The following MAPK10 variants were observed in gnomAD, a reference collection of about 807,000 sequenced individuals.
The protein encoded by MAPK10 is JNK3 alpha protein kinase.
A neutral mutation model predicts 59.3 loss-of-function variants in MAPK10; 25 were observed. The observed-to-expected ratio is 0.42, with a 90% CI of 0.31 to 0.59. MAPK10 has a LOEUF of 0.59. Among genes scored for constraint, MAPK10 ranks in the 20% least tolerant of loss-of-function variants. The pLI is 0.15. For synonymous variants in MAPK10, 190 were observed against 200.5 expected, an observed-to-expected ratio of 0.95 and a Z score of 0.44; for missense variants, 351 against 568.9, an observed-to-expected ratio of 0.62 and a Z score of 3.90.
chr4:86,537,768 T>G (rs2149093813), intron 1 of MAPK10, among the ~76,000 whole-genome samples: 1 of 152,346 alleles, frequency 6.6e-6, no homozygotes, highest in Non-Finnish European at 1.5e-5. Flanking sequence ...TCTCCTACTT[T>G]GTGGCTTATC....
intron 3 of MAPK10, among the ~76,000 whole-genome samples, chr4:86,171,719 T>C (rs2074234677): frequency 6.6e-6 from 1 of 151,622 alleles, no homozygotes; most frequent in Non-Finnish European, 1.5e-5. Flanking sequence ...AAGACAAAAT[T>C]GACAAATGGG....
chr4:86,535,120 C>T (rs1310273509), intron 1 of MAPK10, among the ~76,000 whole-genome samples: 2 of 152,068 alleles, frequency 1.3e-5, no homozygotes, highest in African/African-American at 4.8e-5. Context: ...CTTTTCCTAT[C>T]CTGATTTTTA....
At chr4:86,411,268 T>A (rs894844868) in intron 1 of MAPK10, among the ~76,000 whole-genome samples, 5 of 152,032 alleles carry the variant, frequency 3.3e-5, no homozygotes, top group African/African-American at 9.7e-5. Flanking sequence ...GTGAGAGACT[T>A]CTTTGTTGTG....
intron 4 of MAPK10, 96 bp from the exon 5 acceptor site, chr4:86,107,448 T>G (rs2056749588): frequency 3.4e-6 from 5 of 1,490,710 alleles, no homozygotes; most frequent in African/African-American, 2.8e-5. Context: ...AAATGCTATT[T>G]CGGAATCTTA....
Position 86,014,889 on chromosome 4 carries a change from T to TA in MAPK10, c.*2338_*2339insT, listed in dbSNP as rs916434429. ...CTCTCTTTAAAGCAGCTTCCTGCTC[T>TA]CCGCACTTAATCCCATGTGGTATAA... is the stretch of plus-strand genomic sequence containing the variant. On this transcript the variant is annotated 3_prime_UTR_variant, in exon 14 of 14. Coordinates refer to ENST00000641462, the MANE Select transcript of MAPK10 (RefSeq NM_138982.4). 6.6e-6 allele frequency: 1 copy of TA among 151,650 alleles called. No individual in the cohort carries two copies. Among genetic ancestry groups the TA allele is most frequent in the African/African-American group, 2.4e-5 (1 of 41,214 alleles). The allele number at this position is 151,650 out of a possible 1,614,324, so 9.4% of individuals were successfully genotyped here.
chr4:86,110,957 T>C (rs2057384541), intron 4 of MAPK10, among the ~76,000 whole-genome samples: 1 of 152,164 alleles, frequency 6.6e-6, no homozygotes, highest in Non-Finnish European at 1.5e-5. Context: ...CCTTGTTAGC[T>C]GTATTCCTAG....
At chr4:86,575,524 A>T (rs1231213965) in intron 1 of MAPK10, among the ~76,000 whole-genome samples, 1 of 152,002 alleles carries the variant, frequency 6.6e-6, no homozygotes, top group East Asian at 1.9e-4. Flanking sequence ...TTTGGTAGAT[A>T]TCCTTTATCA....
chr4:86,041,371 T>C (rs1308782513), intron 11 of MAPK10, among the ~76,000 whole-genome samples: 1 of 151,972 alleles, frequency 6.6e-6, no homozygotes, highest in Admixed American at 6.6e-5. Flanking sequence ...CCCAAAACCA[T>C]AAAAACCCTA....
intron 5 of MAPK10, among the ~76,000 whole-genome samples, chr4:86,105,960 C>A (rs746213857): frequency 6.6e-6 from 1 of 152,152 alleles, no homozygotes. Flanking sequence ...CATCACCTGA[C>A]ATTTTACACA....
chr4:86,469,243 T>A (rs893197327), intron 1 of MAPK10, among the ~76,000 whole-genome samples: 1 of 152,062 alleles, frequency 6.6e-6, no homozygotes, highest in Non-Finnish European at 1.5e-5. Context: ...GCAAGTTTTT[T>A]GTCTCAAAAA....
chr4:86,443,877 G>C (rs1486942304), intron 1 of MAPK10, among the ~76,000 whole-genome samples: 1 of 152,088 alleles, frequency 6.6e-6, no homozygotes, highest in Non-Finnish European at 1.5e-5. Context: ...TAGACAACAT[G>C]CAAGAATAGA....
chr4:86,118,444 A>G (rs915552872), intron 4 of MAPK10, among the ~76,000 whole-genome samples: 1 of 152,130 alleles, frequency 6.6e-6, no homozygotes, highest in Admixed American at 6.6e-5. Flanking sequence ...CAGTACTAAC[A>G]CACCTCCACT....
chr4:86,465,617 T>G (rs1752131766), intron 1 of MAPK10, among the ~76,000 whole-genome samples: 1 of 152,114 alleles, frequency 6.6e-6, no homozygotes, highest in South Asian at 2.1e-4. Flanking sequence ...GGTGGAGAGA[T>G]CCGATAACAA....
At chr4:86,566,183 A>G (rs1286825498) in intron 1 of MAPK10, among the ~76,000 whole-genome samples, 1 of 152,184 alleles carries the variant, frequency 6.6e-6, no homozygotes, top group East Asian at 1.9e-4. Flanking sequence ...CACTTGGTAT[A>G]CGGCATATAT....
chr4:86,564,770 C>T (rs900538597), intron 1 of MAPK10, among the ~76,000 whole-genome samples: 1 of 152,110 alleles, frequency 6.6e-6, no homozygotes, highest in Admixed American at 6.6e-5. Flanking sequence ...GAAAAGGGTG[C>T]ATTTTCAGTA....
At chr4:86,188,784 T>C (rs958917752) in intron 3 of MAPK10, among the ~76,000 whole-genome samples, 1 of 152,212 alleles carries the variant, frequency 6.6e-6, no homozygotes, top group Non-Finnish European at 1.5e-5. Context: ...TTTGTTGCCA[T>C]TGCTTTTGGT....
chr4:86,376,782 T>A (rs1035337783), intron 1 of MAPK10, among the ~76,000 whole-genome samples: 16 of 152,232 alleles, frequency 1.1e-4, no homozygotes, highest in Non-Finnish European at 1.9e-4. Flanking sequence ...GAAGAACACA[T>A]TCTGACATGT....
chr4:86,233,884 A>G (rs1385261169), intron 2 of MAPK10, among the ~76,000 whole-genome samples: 1 of 149,182 alleles, frequency 6.7e-6, no homozygotes, highest in Non-Finnish European at 1.5e-5. Flanking sequence ...GTGTCTCCCA[A>G]GGCGTGTGCC....
Position 86,423,834 on chromosome 4 carries a change from T to C in MAPK10, c.-122+29196A>G, listed in dbSNP as rs1029685173. Among the ~76,000 whole-genome samples the C allele has an allele frequency of 8.8e-5, 13 of 148,154 alleles. No homozygotes were observed. The East Asian group carries it at 2.4e-3, about 27-fold the overall frequency. On this transcript the variant is annotated intron_variant, in intron 1 of 13. Coordinates refer to the MAPK10 transcript ENST00000361569. ...TCCATTGCCAGGCAAATGATTTTTA[T>C]CTCATGGATAAAAGAGAGTCAATGT...
Sources: allele counts gnomAD v4.1 joint callset (sites outside exome capture counted in the v4.1 genomes callset), GRCh38; gene constraint gnomAD v4.1.1; transcripts MANE v1.5; gene names NCBI Gene and HGNC (gene_info 2026-07-23, HGNC 2026-07-21).